The following PLCD3 variants were observed in gnomAD, a reference collection of about 807,000 sequenced individuals.
The protein encoded by PLCD3 is phospholipase C delta 3, also known as 1-phosphatidylinositol 4,5-bisphosphate phosphodiesterase delta-3.
A neutral mutation model predicts 82.8 loss-of-function variants in PLCD3; 62 were observed. The ratio of observed to expected loss-of-function variants is 0.75; its 90% confidence interval spans 0.61 to 0.93. The LOEUF is 0.93. Ranked by LOEUF, PLCD3 falls within the 40% of genes least tolerant of loss-of-function variation. PLCD3 has a pLI of 0.00. For missense variants in PLCD3, 1,023 were observed against 1,103.4 expected, an observed-to-expected ratio of 0.93 and a Z score of 1.03; for synonymous variants, 478 against 471.8, an observed-to-expected ratio of 1.01 and a Z score of -0.17.
chr17:45,113,373 C>T (rs2054264342), intron 12 of PLCD3, 66 bp downstream of exon 12: 1 of 1,555,728 alleles, frequency 6.4e-7, no homozygotes, highest in Admixed American at 1.9e-5. Context: ...TGCCTTCCTC[C>T]ACCTCACAAA....
At chr17:45,124,976 A>C (rs1453362019) in intron 1 of PLCD3, among the ~76,000 whole-genome samples, 1 of 152,242 alleles carries the variant, frequency 6.6e-6, no homozygotes, top group Non-Finnish European at 1.5e-5. Context: ...GGGTCATTTG[A>C]GGTCAGGAGT....
In PLCD3 at chr17:45,132,085, C is replaced by T. The variant is rs2054464453; in HGVS notation, c.163+163G>A. ...CTCGCCCCGGGACCCTCGGATGACC[C>T]CAGGTGCGACCCCCAGCTGGAGGGA... On this transcript the variant is annotated intron_variant, in intron 1 of 14. Coordinates refer to ENST00000619929, the MANE Select transcript of PLCD3 (RefSeq NM_133373.5). The surrounding 1 kb of genome is among the most constrained non-coding windows in gnomAD (Gnocchi z 4.6). Among the ~76,000 whole-genome samples, 2 of 152,204 alleles carry T rather than the reference C, an allele frequency of 1.3e-5. No homozygotes were observed. Among genetic ancestry groups the T allele is most frequent in the South Asian group, 4.1e-4 (2 of 4,834 alleles).
intron 10 of PLCD3, among the ~76,000 whole-genome samples, chr17:45,114,640 G>C (rs1283183882): frequency 1.3e-5 from 2 of 152,080 alleles, no homozygotes; most frequent in African/African-American, 4.8e-5. Context: ...CGGCCCTCCA[G>C]CTCCACTGTG....
Position 45,112,919 on chromosome 17 carries a change from G to A in PLCD3, c.2225C>T (p.Thr742Ile). ...VRFVVEDYDA[T>I]SPNDFVGQFT... ...CTGGCCCACAAAGTCATTGGGGGAGGTGGCGTCATAATCTTCCACCACAAA... is the reference window on the plus strand; with the variant it reads ...CTGGCCCACAAAGTCATTGGGGGAGATGGCGTCATAATCTTCCACCACAAA... The change falls in exon 14 of 15, where the codon ACC becomes ATC. Residue 742 changes from threonine to isoleucine, a missense_variant. By Grantham distance (89) the Thr-to-Ile change is moderately conservative (BLOSUM62 -1). Around this residue, in one of 3 missense-constraint regions of PLCD3, gnomAD observed 553 missense variants for 655.7 expected, o/e 0.84. Coordinates refer to ENST00000619929, the MANE Select transcript of PLCD3 (RefSeq NM_133373.5). 1 of 1,612,740 alleles carries A rather than the reference G, an allele frequency of 6.2e-7. No homozygotes were observed. The highest frequency in any genetic ancestry group is 8.5e-7 in the Non-Finnish European group (1 of 1,179,382).
rs1269244212 is a variant in PLCD3, at chr17:45,109,535, C to T, written c.*3081G>A. On this transcript the variant is annotated 3_prime_UTR_variant, in exon 15 of 15. Transcript: ENST00000619929. ...GACTTCCCATTCCCCCTCTTCTCATCCTCTGGAACTTACCCATTCCCTGAC... is the reference window on the plus strand; with the variant it reads ...GACTTCCCATTCCCCCTCTTCTCATTCTCTGGAACTTACCCATTCCCTGAC... 1 of 152,304 alleles carries T rather than the reference C, an allele frequency of 6.6e-6. No homozygotes were observed. Among genetic ancestry groups the T allele is most frequent in the Non-Finnish European group, 1.5e-5 (1 of 68,122 alleles). 9.4% of individuals were successfully genotyped at this position (152,304 alleles called of 1,614,324 possible).
Position 45,112,220 on chromosome 17 carries a change from C to T in PLCD3, c.*396G>A, listed in dbSNP as rs552888205. On this transcript the variant is annotated 3_prime_UTR_variant, in exon 15 of 15. Transcript: ENST00000619929. ...GGGTCGGGGCCAAGTGGAGTGACTG[C>T]GCTCCTCTGGGGGAAGGAGGCTGGG... 3.7e-5 allele frequency: 8 copies of T among 217,982 alleles called. No homozygotes were observed. In the East Asian group the frequency reaches 6.0e-4, roughly 16 times the overall value. The allele number at this position is 217,982 out of a possible 1,614,324, so 13.5% of individuals were successfully genotyped here.
In PLCD3 at chr17:45,112,906, G is replaced by A. The variant is rs2054257261; in HGVS notation, c.2238C>T (p.Asp746=). The A allele has an allele frequency of 1.2e-6, 2 of 1,612,638 alleles. No homozygotes were observed. The highest frequency in any genetic ancestry group is 1.7e-5 in the Admixed American group (1 of 59,802). ...GAGGCAGTGTAAACTGGCCCACAAA[G>A]TCATTGGGGGAGGTGGCGTCATAAT... ...VEDYDATSPN[D]FVGQFTLPLS... is the part of the protein sequence containing the mutation. The change falls in exon 14 of 15, where the codon GAC becomes GAT. Residue 746 remains aspartate, a synonymous_variant. Coordinates refer to ENST00000619929, the MANE Select transcript of PLCD3 (RefSeq NM_133373.5).
chr17:45,115,052 C>G, intron 10 of PLCD3, 42 bp downstream of exon 10: 1 of 1,561,944 alleles, frequency 6.4e-7, no homozygotes, highest in Admixed American at 1.9e-5. Flanking sequence ...CAGGAGGTCT[C>G]TCACCCTCTC....
chr17:45,116,422 TG>T, intron 8 of PLCD3, among the ~76,000 whole-genome samples: 1 of 151,406 alleles, frequency 6.6e-6, no homozygotes, highest in South Asian at 2.1e-4. Flanking sequence ...AGGGTGTGTG[TG>T]TGGGGGGGTC....
chr17:45,121,423 C>A (rs2054340091), intron 1 of PLCD3, 51 bp from the exon 2 acceptor site: 3 of 1,437,538 alleles, frequency 2.1e-6, no homozygotes, highest in Non-Finnish European at 2.7e-6. Flanking sequence ...CCCAGAGGCT[C>A]CCCTGCCCTC....
At chr17:45,119,067 A>C in intron 4 of PLCD3, 24 bp from the exon 5 acceptor site, 76 of 1,560,982 alleles carry the variant, frequency 4.9e-5, no homozygotes, top group Non-Finnish European at 6.2e-5. Flanking sequence ...GGAGAAGCTC[A>C]GAGGAGGCAG....
intron 7 of PLCD3, among the ~76,000 whole-genome samples, chr17:45,117,266 A>G (rs1333336256): frequency 6.6e-6 from 1 of 151,812 alleles, no homozygotes; most frequent in African/African-American, 2.4e-5. Flanking sequence ...GTTGTTGTCT[A>G]TGCTTTGGTC....
Position 45,113,211 on chromosome 17 carries a change from T to C in PLCD3, c.2042A>G (p.His681Arg). Reference protein sequence around the residue: ...QLPKLNAEKPHSIVDPLVRIE... With the variant: ...QLPKLNAEKPRSIVDPLVRIE... ...GCGCACCAGGGGGTCCACAATGGAGTGTGGCTTCTCGGCATTCAGCTTGGG... is the reference window on the plus strand; with the variant it reads ...GCGCACCAGGGGGTCCACAATGGAGCGTGGCTTCTCGGCATTCAGCTTGGG... Residue 681 changes from histidine to arginine, a missense_variant, in exon 13 of 15, where the codon CAC becomes CGC. His to Arg is a conservative substitution (Grantham distance 29). Around this residue, in one of 3 missense-constraint regions of PLCD3, gnomAD observed 553 missense variants for 655.7 expected, o/e 0.84. Transcript: ENST00000619929. The C allele has an allele frequency of 1.2e-6, 2 of 1,611,006 alleles. No individual in the cohort carries two copies. The highest frequency in any genetic ancestry group is 1.7e-4 in the Middle Eastern group (1 of 6,054).
chr17:45,128,680 C>T (rs2054399128), intron 1 of PLCD3, among the ~76,000 whole-genome samples: 1 of 152,234 alleles, frequency 6.6e-6, no homozygotes, highest in South Asian at 2.1e-4. Flanking sequence ...CATCAGGGCA[C>T]AGGCACACAC....
rs2054272627 is a variant in PLCD3, at chr17:45,114,355, C to T, written c.1723G>A (p.Val575Ile). ...KLIREAGNSF[V>I]RHNARQLTRV... is the part of the protein sequence containing the mutation. ...GTCAGCTGGCGGGCATTGTGCCTGACAAAGCTGTTCCCTGGGGCAGAGTTG... is the reference window on the plus strand; with the variant it reads ...GTCAGCTGGCGGGCATTGTGCCTGATAAAGCTGTTCCCTGGGGCAGAGTTG... Residue 575 changes from valine to isoleucine, a missense_variant, in exon 11 of 15, where the codon GTC becomes ATC. Transcript: ENST00000619929. 6.5e-7 allele frequency: 1 copy of T among 1,548,422 alleles called. No individual in the cohort carries two copies. Among genetic ancestry groups the T allele is most frequent in the East Asian group, 2.5e-5 (1 of 40,502 alleles).
intron 4 of PLCD3, among the ~76,000 whole-genome samples, chr17:45,119,723 T>C (rs764835565): frequency 1.3e-5 from 2 of 152,176 alleles, no homozygotes; most frequent in Non-Finnish European, 2.9e-5. Context: ...CCAGCATCAT[T>C]GAACAAGTCA....
Position 45,112,630 on chromosome 17 carries a change from T to C in PLCD3, c.2356A>G (p.Ile786Val), listed in dbSNP as rs748453456. 5.0e-6 allele frequency: 8 copies of C among 1,603,202 alleles called. No individual in the cohort carries two copies. The highest frequency in any genetic ancestry group is 1.7e-5 in the Admixed American group (1 of 58,562). ...SPATLFIQIRIQRS is the reference protein window; with the variant it reads ...SPATLFIQIRVQRS ...GAGGTGGGCCCTCAGGAGCGCTGGA[T>C]GCGGATTTGGATGAAGAGCGTGGCT... Residue 786 changes from isoleucine (I) to valine (V), a missense_variant, in exon 15 of 15, where the codon ATC becomes GTC. By Grantham distance (29) the Ile-to-Val change is conservative (BLOSUM62 3). Around this residue, in one of 3 missense-constraint regions of PLCD3, gnomAD observed 553 missense variants for 655.7 expected, o/e 0.84. Coordinates refer to ENST00000619929, the MANE Select transcript of PLCD3 (RefSeq NM_133373.5).
chr17:45,121,196 T>C lies in PLCD3; in HGVS notation c.325+15A>G. 1.3e-6 allele frequency: 2 copies of C among 1,561,584 alleles called. No homozygotes were observed. The highest frequency in any genetic ancestry group is 1.7e-6 in the Non-Finnish European group (2 of 1,162,944). On this transcript the variant is annotated intron_variant, in intron 2 of 14. Coordinates refer to ENST00000619929, the MANE Select transcript of PLCD3 (RefSeq NM_133373.5). ...CCCCACCTCCCTGTCCGCCCGGCGC[T>C]CCCCGGCCTCTCACAGATGTGCTGC...
At chr17:45,121,455 C>A in intron 1 of PLCD3, 83 bp from the exon 2 acceptor site, 1 of 1,407,722 alleles carries the variant, frequency 7.1e-7, no homozygotes, top group Non-Finnish European at 9.3e-7. Context: ...CCTGCTGCCC[C>A]ATCCTCCAGC....
Sources: allele counts gnomAD v4.1 joint callset (sites outside exome capture counted in the v4.1 genomes callset), GRCh38; gene constraint gnomAD v4.1.1; regional missense constraint gnomAD v4.1.1; non-coding constraint Gnocchi (gnomAD v3.1); transcripts MANE v1.5; gene names NCBI Gene and HGNC (gene_info 2026-07-23, HGNC 2026-07-21).